The following HMCN1 variants were observed in gnomAD, a reference collection of about 807,000 sequenced individuals.
HMCN1 encodes the protein hemicentin 1.
A neutral mutation model predicts 625.9 loss-of-function variants in HMCN1; 321 were observed. That is an observed-to-expected ratio of 0.51 (90% CI 0.47 to 0.56). HMCN1 has a LOEUF of 0.56. Among genes scored for constraint, HMCN1 ranks in the 20% least tolerant of loss-of-function variants. The probability of loss-of-function intolerance (pLI) is 0.00; values close to 1 mark genes in which losing one functional copy is unlikely to be tolerated. For missense variants in HMCN1, 6,588 were observed against 6,887.3 expected (o/e 0.96, Z 1.54); for synonymous variants, 2,425 against 2,417.6 (o/e 1.00, Z -0.09).
Position 185,769,533 on chromosome 1 carries a change from A to G in HMCN1, c.268+34486A>G, listed in dbSNP as rs569348588. On this transcript the variant is annotated intron_variant, in intron 1 of 106. Transcript: ENST00000271588. ...GAAATATTTTGCCTATCATATAAAA[A>G]GAAAAATGGCAGGGTAGAGAAGAGT... Among the ~76,000 whole-genome samples the G allele has an allele frequency of 3.7e-4, 56 of 152,324 alleles. 1 individual carries two copies. The highest frequency in any genetic ancestry group is 1.3e-3 in the African/African-American group (56 of 41,574).
At position 186,178,684 on chromosome 1, in the gene HMCN1, C is replaced by A. The variant is rs547909265; in HGVS notation, c.16212C>A (p.Ser5404Arg). ...LYSSYSEYRNSRTSLSRTRRT... is the reference protein window; with the variant it reads ...LYSSYSEYRNRRTSLSRTRRT... ...GCTCCTACTCAGAGTATAGAAACAG[C>A]AGAACATCTCTCTCCAGGACTAGAA... Residue 5404 changes from serine to arginine, a missense_variant, in exon 104 of 107, where the codon AGC becomes AGA. By Grantham distance (110) the Ser-to-Arg change is moderately radical. Around this residue, in one of 3 missense-constraint regions of HMCN1, gnomAD observed 1,954 missense variants for 2,013.1 expected, o/e 0.97. Coordinates refer to ENST00000271588, the MANE Select transcript of HMCN1 (RefSeq NM_031935.3). 1.9e-5 allele frequency: 31 copies of A among 1,614,064 alleles called. No homozygotes were observed. In the South Asian group the frequency reaches 3.3e-4, roughly 17 times the overall value.
chr1:185,927,338 AG>A (rs1186621553), intron 9 of HMCN1, among the ~76,000 whole-genome samples: 2 of 152,188 alleles, frequency 1.3e-5, no homozygotes, highest in Non-Finnish European at 2.9e-5. Context: ...TTACATGATC[AG>A]TGTGGTATGG....
At chr1:185,869,355 T>G (rs1436730672) in intron 4 of HMCN1, among the ~76,000 whole-genome samples, 2 of 152,100 alleles carry the variant, frequency 1.3e-5, no homozygotes. Flanking sequence ...TGAGGTTAAG[T>G]GAGATAATGC....
intron 57 of HMCN1, among the ~76,000 whole-genome samples, chr1:186,083,953 A>T (rs552701575): frequency 2.4e-4 from 36 of 152,336 alleles, no homozygotes; most frequent in African/African-American, 8.4e-4. Flanking sequence ...GAATGAATTA[A>T]TTAAACAAAC....
At position 186,061,867 on chromosome 1, in the gene HMCN1, G is replaced by A; in HGVS notation, c.7329G>A (p.Arg2443=). Reference sequence around the variant, plus strand: ...CTTCTGCAGGAGGCAGGATGCTACGGCTGATGCAGACCACAATGGAAGATG... The same window carrying A: ...CTTCTGCAGGAGGCAGGATGCTACGACTGATGCAGACCACAATGGAAGATG... The part of the protein sequence containing the change: ...VRILSGGRML[R]LMQTTMEDAG... Residue 2443 remains arginine, a synonymous_variant, in exon 47 of 107, where the codon CGG becomes CGA. Transcript: ENST00000271588. 8 of 1,611,806 alleles carry A rather than the reference G, an allele frequency of 5.0e-6. No homozygotes were observed. The highest frequency in any genetic ancestry group is 6.8e-6 in the Non-Finnish European group (8 of 1,178,182).
chr1:185,925,460 T>C (rs188855062), intron 9 of HMCN1, among the ~76,000 whole-genome samples: 11 of 152,350 alleles, frequency 7.2e-5, no homozygotes, highest in Admixed American at 7.2e-4. Context: ...TGAATGTTTT[T>C]TAATTTGTGG....
intron 56 of HMCN1, among the ~76,000 whole-genome samples, chr1:186,081,751 A>G (rs745803618): frequency 1.2e-4 from 18 of 152,272 alleles, no homozygotes; most frequent in Admixed American, 4.6e-4. Flanking sequence ...TTCCCTATAT[A>G]TTTAAATTTG....
chr1:186,148,570 G>T (rs567978939), intron 93 of HMCN1, among the ~76,000 whole-genome samples: 1 of 151,996 alleles, frequency 6.6e-6, no homozygotes. Flanking sequence ...ATGCAGTGGC[G>T]TGATCTCAGC....
chr1:185,978,089 C>T lies in HMCN1; in HGVS notation c.2566+108C>T, dbSNP rs1373466522. On this transcript the variant is annotated intron_variant, in intron 16 of 106. Coordinates refer to ENST00000271588, the MANE Select transcript of HMCN1 (RefSeq NM_031935.3). The stretch of plus-strand genomic sequence containing the variant: ...AAATAGTATATTAATCTTGCCAACA[C>T]ATTTTATGTTCATTGCATTTTACTT... The T allele has an allele frequency of 8.2e-5, 65 of 790,142 alleles. 2 individuals are homozygous for T. In the Admixed American group the frequency reaches 1.7e-3, roughly 21 times the overall value. 48.9% of individuals were successfully genotyped at this position (790,142 alleles called of 1,614,324 possible).
intron 1 of HMCN1, among the ~76,000 whole-genome samples, chr1:185,809,648 A>G (rs1659389460): frequency 6.6e-6 from 1 of 152,044 alleles, no homozygotes; most frequent in Non-Finnish European, 1.5e-5. Flanking sequence ...AATAATAGTA[A>G]GTAGTATCTT....
At chr1:186,000,348 A>G (rs1571692547) in intron 26 of HMCN1, 109 bp downstream of exon 26, 1 of 786,842 alleles carries the variant, frequency 1.3e-6, no homozygotes, top group East Asian at 2.7e-5. Flanking sequence ...GAATAGCAGT[A>G]TTACCAAACA....
intron 1 of HMCN1, among the ~76,000 whole-genome samples, chr1:185,738,750 AGTTCTTTATTATAGCACATAGAT>A (rs1272179854): frequency 9.9e-5 from 15 of 152,230 alleles, no homozygotes; most frequent in Non-Finnish European, 2.1e-4. Context: ...AAATTTCAAA[AGTTCTTTATTATAGCACATAGAT>A]TTATAAAGCT....
At chr1:186,146,042 A>G in intron 93 of HMCN1, 119 bp downstream of exon 93, 2 of 1,076,514 alleles carry the variant, frequency 1.9e-6, no homozygotes, top group South Asian at 1.4e-5. Context: ...AAAAAAAAAA[A>G]AGTGCTTTCT....
At chr1:185,956,300 C>T (rs556487511) in intron 11 of HMCN1, among the ~76,000 whole-genome samples, 8 of 152,168 alleles carry the variant, frequency 5.3e-5, no homozygotes, top group South Asian at 4.2e-4. Context: ...TTGAAGGCTC[C>T]GTCCTGCAAG....
chr1:186,090,896 G>A lies in HMCN1; in HGVS notation c.9866G>A (p.Ser3289Asn), dbSNP rs368794765. ...CTTAAAGATGGAAAGCCCATAGCTA[G>A]TGGTGAAACAGAAAGAATCCGGTAT... The part of the protein sequence containing the change: ...QWLKDGKPIA[S>N]GETERIRVSA... The change falls in exon 64 of 107, where the codon AGT becomes AAT. Residue 3289 changes from serine (S) to asparagine (N), a missense_variant. This residue lies in a region of HMCN1 where 4,628 missense variants were observed against 4,853.1 expected (regional missense o/e 0.95). Coordinates refer to ENST00000271588, the MANE Select transcript of HMCN1 (RefSeq NM_031935.3). 6.2e-7 allele frequency: 1 copy of A among 1,612,152 alleles called. No homozygotes were observed. The highest frequency in any genetic ancestry group is 1.3e-5 in the African/African-American group (1 of 74,824).
At chr1:185,895,744 G>A (rs1665446489) in intron 4 of HMCN1, among the ~76,000 whole-genome samples, 3 of 152,276 alleles carry the variant, frequency 2.0e-5, no homozygotes, top group Admixed American at 2.0e-4. Flanking sequence ...TAGTGATGGA[G>A]TGCATGTTAA....
chr1:185,999,247 A>T (rs1264903514), intron 25 of HMCN1, among the ~76,000 whole-genome samples: 1 of 151,804 alleles, frequency 6.6e-6, no homozygotes. Flanking sequence ...TTTTATTATT[A>T]TTATGGAGAT....
At chr1:185,915,198 A>AGTTACTTTCC (rs1449227112) in intron 6 of HMCN1, among the ~76,000 whole-genome samples, 1 of 152,106 alleles carries the variant, frequency 6.6e-6, no homozygotes, top group African/African-American at 2.4e-5. Flanking sequence ...GCATGTTAAA[A>AGTTACTTTCC]AGAAGTAACT....
chr1:185,870,256 A>C (rs1413948772), intron 4 of HMCN1, among the ~76,000 whole-genome samples: 3 of 152,190 alleles, frequency 2.0e-5, no homozygotes, highest in Non-Finnish European at 2.9e-5. Context: ...GTATTATTCC[A>C]TTATTTATAT....
Sources: gnomAD v4.1 joint callset for allele counts (sites outside exome capture counted in the v4.1 genomes callset) on GRCh38, gnomAD v4.1.1 for gene constraint, gnomAD v4.1.1 regional missense constraint, MANE v1.5 for transcripts, NCBI Gene and HGNC (gene_info 2026-07-23, HGNC 2026-07-21) for gene names.